MUC22: variants seen among roughly 807,000 people sequenced by gnomAD.
MUC22 encodes mucin 22, also known as mucin-22.
In MUC22, 24 loss-of-function variants were observed where a neutral mutation model predicts 40.3. That is an observed-to-expected ratio of 0.60 (90% CI 0.43 to 0.84). The LOEUF (loss-of-function observed/expected upper bound fraction) is 0.84, where lower values mean the gene tolerates loss of function less well. Among genes scored for constraint, MUC22 ranks in the 40% least tolerant of loss-of-function variants. MUC22 has a pLI of 0.00. For missense variants in MUC22, 1,926 were observed against 2,130.7 expected (o/e 0.90, Z 1.89); for synonymous variants, 765 against 844.5 (o/e 0.91, Z 1.63).
At chr6:31,029,289 T>C (rs1765806826) in exon 2 of MUC22, 5 of 1,520,716 alleles carry the variant, frequency 3.3e-6, no homozygotes, top group Non-Finnish European at 4.4e-6. Context: ...CAGAGACCAC[T>C]ACAGTCACTA....
At chr6:31,019,640 G>C (rs894862161) in intron 1 of MUC22, among the ~76,000 whole-genome samples, 7 of 152,204 alleles carry the variant, frequency 4.6e-5, no homozygotes, top group African/African-American at 1.7e-4. Flanking sequence ...GATCACCTGA[G>C]GTCAGGAGTT....
At chr6:31,027,662 A>T in exon 2 of MUC22, 1 of 1,530,860 alleles carries the variant, frequency 6.5e-7, no homozygotes, top group Non-Finnish European at 8.7e-7. Flanking sequence ...ACAGGCTTGG[A>T]GACCACCACA....
chr6:31,020,659 G>A (rs183772452), intron 1 of MUC22, among the ~76,000 whole-genome samples: 1 of 152,146 alleles, frequency 6.6e-6, no homozygotes, highest in Non-Finnish European at 1.5e-5. Context: ...TGCACTGTGG[G>A]AGTCCCTTTC....
At chr6:31,024,039 C>G (rs955495259) in intron 1 of MUC22, among the ~76,000 whole-genome samples, 1 of 152,088 alleles carries the variant, frequency 6.6e-6, no homozygotes, top group Non-Finnish European at 1.5e-5. Flanking sequence ...AGTGGTTTTC[C>G]TGGCAAAGAT....
At chr6:31,033,808 T>A (rs1288219068) in intron 3 of MUC22, among the ~76,000 whole-genome samples, 1 of 152,254 alleles carries the variant, frequency 6.6e-6, no homozygotes, top group Non-Finnish European at 1.5e-5. Flanking sequence ...TTGGACAGCA[T>A]ACCACTGGTA....
intron 1 of MUC22, among the ~76,000 whole-genome samples, chr6:31,022,868 G>T (rs1045312400): frequency 2.6e-5 from 4 of 152,318 alleles, no homozygotes; most frequent in South Asian, 2.1e-4. Context: ...AGCGGTTTAT[G>T]CCTGTAATCC....
At chr6:31,030,759 C>A (rs1344338343) in intron 2 of MUC22, among the ~76,000 whole-genome samples, 1 of 152,216 alleles carries the variant, frequency 6.6e-6, no homozygotes, top group African/African-American at 2.4e-5. Context: ...AACCAACCAT[C>A]TGTGACACTG....
exon 2 of MUC22, chr6:31,026,258 A>G: frequency 7.5e-7 from 1 of 1,339,092 alleles, no homozygotes; most frequent in Non-Finnish European, 1.0e-6. Flanking sequence ...ACAGGCTCTG[A>G]GACCACTACA....
chr6:31,017,313 A>T (rs1764295127), intron 1 of MUC22, among the ~76,000 whole-genome samples: 1 of 152,216 alleles, frequency 6.6e-6, no homozygotes, highest in African/African-American at 2.4e-5. Flanking sequence ...AGGGATTGTA[A>T]ATACACCAAT....
intron 1 of MUC22, among the ~76,000 whole-genome samples, chr6:31,024,956 C>T (rs977109947): frequency 6.6e-5 from 10 of 151,606 alleles, no homozygotes; most frequent in South Asian, 6.2e-4. Flanking sequence ...CTGCAACCTC[C>T]GCCTTCCGGT....
At chr6:31,033,241 G>A (rs1238952813) in intron 3 of MUC22, among the ~76,000 whole-genome samples, 2 of 147,002 alleles carry the variant, frequency 1.4e-5, no homozygotes, top group African/African-American at 2.5e-5. Context: ...GAATGAGGAA[G>A]AAAGGAAGAA....
chr6:31,012,521 C>T (rs1210288623), intron 1 of MUC22, among the ~76,000 whole-genome samples: 2 of 152,074 alleles, frequency 1.3e-5, no homozygotes, highest in African/African-American at 4.8e-5. Flanking sequence ...TATAGAGCTC[C>T]TCCTCTGGGC....
At position 31,026,300 on chromosome 6, in the gene MUC22, C is replaced by A. The variant is rs62399438; in HGVS notation, c.869C>A (p.Ala290Asp). The A allele has an allele frequency of 1.8e-4, 264 of 1,467,892 alleles. 12 individuals are homozygous for A. The highest frequency in any genetic ancestry group is 2.2e-4 in the Non-Finnish European group (248 of 1,106,276). 90.9% of individuals were successfully genotyped at this position (1,467,892 alleles called of 1,614,324 possible). ...ATTAAAGCCTCTGAGACCACCACAG[C>A]CTCTACAGCAGGTTCTGAGACCACC... The change falls in exon 2 of 4, where the codon GCC (alanine) becomes GAC (aspartate). Residue 290 changes from alanine to aspartate, a missense_variant. Physicochemically the swap from Ala to Asp is moderately radical, Grantham distance 126. Coordinates refer to ENST00000561890, the Ensembl canonical transcript of MUC22.
chr6:31,013,277 C>G (rs12207266), intron 1 of MUC22, among the ~76,000 whole-genome samples: 18,185 of 151,770 alleles, frequency 0.12, 1,280 homozygotes, highest in African/African-American at 0.17. Context: ...CAGGCGCACA[C>G]CGCCACGCCC....
chr6:31,022,076 C>G (rs996569121), intron 1 of MUC22, among the ~76,000 whole-genome samples: 1 of 152,066 alleles, frequency 6.6e-6, no homozygotes, highest in Non-Finnish European at 1.5e-5. Context: ...CAGCTTCACT[C>G]ATGAGCCAGC....
Position 31,011,495 on chromosome 6 carries a change from C to G in MUC22, c.70+719C>G, listed in dbSNP as rs969519599. Among the ~76,000 whole-genome samples, 46 of 152,190 alleles carry G rather than the reference C, an allele frequency of 3.0e-4. No individual in the cohort carries two copies. The highest frequency in any genetic ancestry group is 1.0e-3 in the African/African-American group (43 of 41,436). ...TTCACTTAGAATAATAGTCTACAGT[C>G]TCATCCAGGTCACTGCAAATGCCAT... On this transcript the variant is annotated intron_variant, in intron 1 of 3. Coordinates refer to ENST00000561890, the Ensembl canonical transcript of MUC22. The surrounding 1 kb of genome is among the most constrained non-coding windows in gnomAD (Gnocchi z 4.5).
chr6:31,021,585 C>T (rs1474761873), intron 1 of MUC22, among the ~76,000 whole-genome samples: 2 of 139,234 alleles, frequency 1.4e-5, no homozygotes, highest in African/African-American at 5.5e-5. Flanking sequence ...GTGTTTAGCT[C>T]AAAGTTTGTG....
intron 1 of MUC22, among the ~76,000 whole-genome samples, chr6:31,020,732 G>A (rs9262504): frequency 1.3e-5 from 2 of 152,056 alleles, no homozygotes; most frequent in African/African-American, 2.4e-5. Context: ...GGAGAGGTGC[G>A]AGCGGGAACC....
intron 1 of MUC22, among the ~76,000 whole-genome samples, chr6:31,021,964 A>G (rs1020524746): frequency 2.9e-4 from 44 of 152,106 alleles, no homozygotes; most frequent in Admixed American, 2.7e-3. Flanking sequence ...AAAGGTCTGC[A>G]GCTTCACTCC....
Sources: gnomAD v4.1 joint callset for allele counts (sites outside exome capture counted in the v4.1 genomes callset) on GRCh38, gnomAD v4.1.1 for gene constraint, Gnocchi (gnomAD v3.1) non-coding constraint, MANE v1.5 for transcripts, NCBI Gene and HGNC (gene_info 2026-07-23, HGNC 2026-07-21) for gene names.